Variants in TCHP observed in about 807,000 individuals in gnomAD.
The protein encoded by TCHP is trichoplein keratin filament binding.
Under a neutral mutation model 88.7 loss-of-function variants are expected in TCHP, and 81 were observed. The ratio of observed to expected loss-of-function variants is 0.91; its 90% CI spans 0.76 to 1.10. The LOEUF is 1.10. TCHP is among the 50% of genes least tolerant of loss of function. The probability of loss-of-function intolerance (pLI) is 0.00; values close to 1 mark genes in which losing one functional copy is unlikely to be tolerated. For missense variants in TCHP, 641 were observed against 632.1 expected, an observed-to-expected ratio of 1.01 and a Z score of -0.15; for synonymous variants, 232 against 232.5, an observed-to-expected ratio of 1.00 and a Z score of 0.02.
At chr12:109,913,099 C>T (rs548058237) in intron 10 of TCHP, 27 bp downstream of exon 10, 17 of 1,611,030 alleles carry the variant, frequency 1.1e-5, no homozygotes, top group Admixed American at 5.0e-5. Context: ...CGATGTGGAC[C>T]GGCTGTTGGG....
At chr12:109,906,861 G>T (rs1467114009) in intron 5 of TCHP, among the ~76,000 whole-genome samples, 1 of 152,102 alleles carries the variant, frequency 6.6e-6, no homozygotes, top group Non-Finnish European at 1.5e-5. Context: ...AGGTGACCAG[G>T]GCTGGGAGGT....
At chr12:109,890,902 T>C in the TCHP span, among the ~76,000 whole-genome samples, 1 of 152,164 alleles carries the variant, frequency 6.6e-6, no homozygotes, top group African/African-American at 2.4e-5. Flanking sequence ...AAGATGGAGC[T>C]CTCTCAAGGA....
chr12:109,903,002 ACTTTCCTCC>A lies in TCHP; in HGVS notation c.1-23_1-15del. On this transcript the variant is annotated splice_polypyrimidine_tract_variant and intron_variant, in intron 1 of 12. Transcript: ENST00000405876. This position sits in a 1 kb window ranked among gnomAD's most constrained non-coding sequence, Gnocchi z 4.6. The stretch of plus-strand genomic sequence containing the variant: ...GGGTTCCTGGGATTTGCAGTGGCTC[ACTTTCCTCC>A]CATTCCTGTTCTCAGATGGCGCTCC... 5.7e-6 allele frequency: 9 copies of A among 1,572,392 alleles called. No individual in the cohort carries two copies. The highest frequency in any genetic ancestry group is 7.8e-6 in the Non-Finnish European group (9 of 1,156,886).
At chr12:109,914,241 G>C in intron 10 of TCHP, 1 of 482,074 alleles carries the variant, frequency 2.1e-6, no homozygotes. Flanking sequence ...GGGTTGCGAG[G>C]GAAACATTTC....
chr12:109,896,194 G>A (rs966373915), upstream of TCHP, among the ~76,000 whole-genome samples: 3 of 152,096 alleles, frequency 2.0e-5, no homozygotes, highest in Non-Finnish European at 2.9e-5. Context: ...TGATCCATCC[G>A]CCTTGGCCTC....
chr12:109,896,870 G>A (rs182588205), upstream of TCHP, among the ~76,000 whole-genome samples: 114 of 152,188 alleles, frequency 7.5e-4, no homozygotes, highest in Non-Finnish European at 2.9e-4. Flanking sequence ...AGCCAAGTTC[G>A]CACCACTGCA....
At position 109,904,155 on chromosome 12, in the gene TCHP, C is replaced by T; in HGVS notation, c.399+8C>T. The T allele has an allele frequency of 9.0e-6, 14 of 1,560,208 alleles. No individual in the cohort carries two copies. The highest frequency in any genetic ancestry group is 1.2e-5 in the Non-Finnish European group (14 of 1,151,910). ...GAAGAGCAGAGGAAACTGGTAACTC[C>T]CCAGAGGGCTTCAGGAGGCTGTGGA... On this transcript the variant is annotated splice_region_variant and intron_variant, in intron 3 of 12. Coordinates refer to ENST00000405876, the MANE Select transcript of TCHP (RefSeq NM_001143852.2).
At chr12:109,908,177 A>C (rs1023604491) in intron 6 of TCHP, among the ~76,000 whole-genome samples, 1 of 152,136 alleles carries the variant, frequency 6.6e-6, no homozygotes, top group Middle Eastern at 3.2e-3. Context: ...CTGTGACCTC[A>C]CTTCCCCTTG....
At chr12:109,889,751 G>A in the TCHP span, among the ~76,000 whole-genome samples, 3 of 152,192 alleles carry the variant, frequency 2.0e-5, no homozygotes, top group Non-Finnish European at 2.9e-5. Context: ...ATTATGAATC[G>A]ATTTACGGAG....
intron 10 of TCHP, 28 bp downstream of exon 10, chr12:109,913,100 G>T (rs756131357): frequency 1.2e-6 from 2 of 1,610,346 alleles, no homozygotes; most frequent in Non-Finnish European, 8.5e-7. Context: ...GATGTGGACC[G>T]GCTGTTGGGT....
Position 109,914,582 on chromosome 12 carries a change from G to T in TCHP, c.1275G>T (p.Glu425Asp). 6.2e-7 allele frequency: 1 copy of T among 1,613,358 alleles called. No homozygotes were observed. The highest frequency in any genetic ancestry group is 1.1e-5 in the South Asian group (1 of 91,000). The change falls in exon 11 of 13, where the codon GAG becomes GAT. Residue 425 changes from glutamate (E) to aspartate (D), a missense_variant. Coordinates refer to ENST00000405876, the MANE Select transcript of TCHP (RefSeq NM_001143852.2). ...AGTTGGCTCGTCGCGAGAAAGAGGA[G>T]AGTGAAAAGCTGAAATCGGCCAGGA... ...VRELARREKE[E>D]SEKLKSARKQ...
intron 8 of TCHP, 95 bp from the exon 9 acceptor site, chr12:109,910,968 T>C (rs532483813): frequency 2.8e-6 from 4 of 1,412,134 alleles, no homozygotes; most frequent in East Asian, 5.4e-5. Context: ...CGAATGTCTA[T>C]GTAGAAAGGA....
At chr12:109,882,103 G>A in the TCHP span, among the ~76,000 whole-genome samples, 4 of 152,180 alleles carry the variant, frequency 2.6e-5, no homozygotes, top group African/African-American at 9.7e-5. Context: ...ACAGTGTAGT[G>A]ACGGAGGATG....
upstream of TCHP, among the ~76,000 whole-genome samples, chr12:109,898,555 G>A (rs534293328): frequency 6.6e-6 from 1 of 152,272 alleles, no homozygotes; most frequent in East Asian, 1.9e-4. Context: ...CTAGGAAGCT[G>A]AGGCACAGAC....
intron 9 of TCHP, among the ~76,000 whole-genome samples, chr12:109,911,554 A>C (rs1423577934): frequency 2.1e-5 from 3 of 146,232 alleles, no homozygotes; most frequent in Non-Finnish European, 4.5e-5. Context: ...TGGGGCTCCG[A>C]TTAGCCATGA....
rs1187966975 is a variant in TCHP, at chr12:109,904,072, C to T, written c.324C>T (p.Ser108=). The T allele has an allele frequency of 2.5e-6, 4 of 1,601,442 alleles. No individual in the cohort carries two copies. The highest frequency in any genetic ancestry group is 2.6e-6 in the Non-Finnish European group (3 of 1,174,010). Residue 108 remains serine (S), a synonymous_variant, in exon 3 of 13, where the codon AGC becomes AGT. Transcript: ENST00000405876. ...LARELEELRL[S]MNLQERRIRE... ...GAGAACTGGAGGAGCTGAGGCTGAG[C>T]ATGAACTTGCAGGAAAGAAGAATCC... is the stretch of plus-strand genomic sequence containing the variant.
In TCHP at chr12:109,905,249, T is replaced by C. The variant is rs1384981075; in HGVS notation, c.456+456T>C. Among the ~76,000 whole-genome samples, 1 of 152,118 alleles carries C rather than the reference T, an allele frequency of 6.6e-6. No homozygotes were observed. The highest frequency in any genetic ancestry group is 1.5e-5 in the Non-Finnish European group (1 of 67,998). ...AGGATGTTCTAGGTTGATGTGACTG[T>C]GAGAACCAGGCTTGAGACTCGAGAA... On this transcript the variant is annotated intron_variant, in intron 4 of 12. Coordinates refer to ENST00000405876, the MANE Select transcript of TCHP (RefSeq NM_001143852.2). The surrounding 1 kb of genome is among the most constrained non-coding windows in gnomAD (Gnocchi z 4.0).
At chr12:109,904,704 C>G (rs151249379) in intron 3 of TCHP, 33 bp from the exon 4 acceptor site, 2 of 1,601,640 alleles carry the variant, frequency 1.2e-6, no homozygotes, top group Non-Finnish European at 1.7e-6. Context: ...TGAAAAATGA[C>G]ATCAGGCTTT....
At chr12:109,911,895 C>G (rs937371403) in intron 9 of TCHP, among the ~76,000 whole-genome samples, 3 of 151,810 alleles carry the variant, frequency 2.0e-5, no homozygotes, top group African/African-American at 7.3e-5. Flanking sequence ...CTCCTGGGTT[C>G]AAGTAATTCT....
Sources: gnomAD v4.1 joint callset for allele counts (sites outside exome capture counted in the v4.1 genomes callset) on GRCh38, gnomAD v4.1.1 for gene constraint, Gnocchi (gnomAD v3.1) non-coding constraint, MANE v1.5 for transcripts, NCBI Gene and HGNC (gene_info 2026-07-23, HGNC 2026-07-21) for gene names.